NDUFAF6: variants seen among roughly 807,000 people sequenced by gnomAD.
NDUFAF6 encodes NADH:ubiquinone oxidoreductase complex assembly factor 6.
Under a neutral mutation model 40.8 loss-of-function variants are expected in NDUFAF6, and 45 were observed. The observed-to-expected ratio is 1.10, with a 90% CI of 0.87 to 1.42. The LOEUF (loss-of-function observed/expected upper bound fraction) is 1.42. Among genes scored for constraint, NDUFAF6 ranks in the 40% most tolerant of loss-of-function variants. The pLI is 0.00. For synonymous variants in NDUFAF6, 185 were observed against 155.9 expected (o/e 1.19, Z -1.39); for missense variants, 435 against 418.5 (o/e 1.04, Z -0.34).
At chr8:94,908,428 TGTA>T (rs1271156244) in intron 1 of NDUFAF6, among the ~76,000 whole-genome samples, 2 of 152,214 alleles carry the variant, frequency 1.3e-5, no homozygotes, top group Non-Finnish European at 2.9e-5. Flanking sequence ...GGAGTACAGT[TGTA>T]TGATCATAGC....
chr8:95,079,818 G>A (rs28416970), downstream of NDUFAF6, among the ~76,000 whole-genome samples: 33,241 of 150,916 alleles, frequency 0.22, 4,053 homozygotes, highest in Middle Eastern at 0.32. Flanking sequence ...AGGCTCACTT[G>A]ATCCTCCCAC....
intron 1 of NDUFAF6, among the ~76,000 whole-genome samples, chr8:94,905,162 T>G (rs932552647): frequency 6.6e-6 from 1 of 152,154 alleles, no homozygotes; most frequent in African/African-American, 2.4e-5. Flanking sequence ...ATTGCGGCAT[T>G]GCACTCTAGC....
chr8:94,989,973 G>A (rs753968681), intron 2 of NDUFAF6, among the ~76,000 whole-genome samples: 13 of 152,132 alleles, frequency 8.5e-5, no homozygotes, highest in South Asian at 2.1e-4. Context: ...CATGCAATCC[G>A]CCTGCCTTGG....
At chr8:94,910,568 G>A (rs746777897) in intron 1 of NDUFAF6, among the ~76,000 whole-genome samples, 30 of 152,010 alleles carry the variant, frequency 2.0e-4, no homozygotes, top group Middle Eastern at 3.4e-3. Flanking sequence ...ACATTGCACA[G>A]AATCTAAAAG....
At chr8:94,937,523 C>G (rs1463831614) in intron 1 of NDUFAF6, among the ~76,000 whole-genome samples, 1 of 151,636 alleles carries the variant, frequency 6.6e-6, no homozygotes, top group Non-Finnish European at 1.5e-5. Flanking sequence ...TCCTGTTTTT[C>G]TGGTATCTGA....
chr8:94,954,510 T>G (rs1416419267), upstream of NDUFAF6, among the ~76,000 whole-genome samples: 1 of 152,030 alleles, frequency 6.6e-6, no homozygotes, highest in East Asian at 1.9e-4. Flanking sequence ...GTGGGTGCTG[T>G]GAAGAAAGAT....
At chr8:95,048,900 C>T (rs182071886) in intron 7 of NDUFAF6, among the ~76,000 whole-genome samples, 2 of 152,178 alleles carry the variant, frequency 1.3e-5, no homozygotes, top group Non-Finnish European at 2.9e-5. Flanking sequence ...GCTGCACCCT[C>T]AGCCACCCCC....
At chr8:94,965,259 C>CA (rs5893313) in intron 1 of NDUFAF6, among the ~76,000 whole-genome samples, 96,904 of 152,002 alleles carry the variant, frequency 0.64, 32,087 homozygotes, top group East Asian at 0.78. Flanking sequence ...ATTAAAGGAC[C>CA]GGGGCAGTAT....
At chr8:95,077,555 A>G (rs139149309), downstream of NDUFAF6, among the ~76,000 whole-genome samples, 1 of 152,346 alleles carries the variant, frequency 6.6e-6, no homozygotes, top group African/African-American at 2.4e-5. Flanking sequence ...TCAGAACAGC[A>G]TGCAATTTAA....
intron 2 of NDUFAF6, among the ~76,000 whole-genome samples, chr8:94,989,941 G>C (rs118149297): frequency 0.02 from 3,087 of 152,240 alleles, 70 homozygotes; most frequent in East Asian, 0.11. Context: ...TGTTGCCCAG[G>C]CTGGTCTTGA....
chr8:94,969,182 G>A (rs2131522108), intron 1 of NDUFAF6, among the ~76,000 whole-genome samples: 1 of 152,310 alleles, frequency 6.6e-6, no homozygotes, highest in Non-Finnish European at 1.5e-5. Flanking sequence ...ATCACCTAGG[G>A]AGTAAGTATT....
chr8:94,940,288 A>G, intron 1 of NDUFAF6: 2 of 1,510,710 alleles, frequency 1.3e-6, no homozygotes, highest in Non-Finnish European at 1.8e-6. Flanking sequence ...TGATTATCAC[A>G]TTGGGCAGTC....
chr8:95,053,631 C>CTT (rs756938359), intron 8 of NDUFAF6, among the ~76,000 whole-genome samples: 1 of 144,544 alleles, frequency 6.9e-6, no homozygotes, highest in Non-Finnish European at 1.5e-5. Context: ...CTTTTTCTTT[C>CTT]TTTTTTTTTT....
At chr8:95,045,431 A>G (rs1830626786) in intron 4 of NDUFAF6, 114 bp from the exon 5 acceptor site, 4 of 731,058 alleles carry the variant, frequency 5.5e-6, no homozygotes, top group Non-Finnish European at 9.8e-6. Flanking sequence ...GTACTAAATA[A>G]CATATACTGA....
intron 2 of NDUFAF6, among the ~76,000 whole-genome samples, chr8:95,016,899 C>T (rs1305530517): frequency 6.6e-6 from 1 of 151,054 alleles, no homozygotes; most frequent in Non-Finnish European, 1.5e-5. Flanking sequence ...GTGCCTCCTC[C>T]TCCTCTTCCT....
intron 2 of NDUFAF6, among the ~76,000 whole-genome samples, chr8:94,999,050 CAG>C (rs149397364): frequency 4.0e-5 from 6 of 151,814 alleles, no homozygotes; most frequent in African/African-American, 1.2e-4. Context: ...GTGTGTAAAA[CAG>C]ACATAAAATG....
intron 2 of NDUFAF6, among the ~76,000 whole-genome samples, chr8:95,081,620 C>G (rs755900822): frequency 1.3e-5 from 2 of 152,154 alleles, no homozygotes; most frequent in Non-Finnish European, 2.9e-5. Flanking sequence ...CGATAATACT[C>G]AAGAGCACAA....
chr8:94,998,244 A>G (rs1159380017), intron 2 of NDUFAF6, among the ~76,000 whole-genome samples: 1 of 152,198 alleles, frequency 6.6e-6, no homozygotes, highest in African/African-American at 2.4e-5. Flanking sequence ...TTAATGACAG[A>G]TGCCCCGTGC....
At chr8:95,053,588 A>G (rs1338814803) in intron 8 of NDUFAF6, among the ~76,000 whole-genome samples, 2 of 151,946 alleles carry the variant, frequency 1.3e-5, no homozygotes. Flanking sequence ...AGGCATTGAT[A>G]CTTTTTAAAA....
Sources: gnomAD v4.1 joint callset for allele counts (sites outside exome capture counted in the v4.1 genomes callset) on GRCh38, gnomAD v4.1.1 for gene constraint, MANE v1.5 for transcripts, NCBI Gene and HGNC (gene_info 2026-07-23, HGNC 2026-07-21) for gene names.